LRP4: variants seen among roughly 807,000 people sequenced by gnomAD.
The protein encoded by LRP4 is low-density lipoprotein receptor-related protein 4.
LRP4 carries 95 observed loss-of-function variants against 220.3 expected under a neutral mutation model. That is an observed-to-expected ratio of 0.43 (90% CI 0.37 to 0.51). The LOEUF is 0.51. LRP4 is among the 20% of genes least tolerant of loss of function. LRP4 has a pLI of 0.00. For synonymous variants in LRP4, 903 were observed against 954.6 expected (o/e 0.95, Z 1.00); for missense variants, 1,925 against 2,567.0 (o/e 0.75, Z 5.40).
At position 46,877,209 on chromosome 11, in the gene LRP4, G is replaced by A. The variant is rs150616375; in HGVS notation, c.3267C>T (p.Asp1089=). The A allele has an allele frequency of 3.0e-5, 49 of 1,613,816 alleles. No individual in the cohort carries two copies. In the African/African-American group the frequency reaches 4.7e-4, roughly 15 times the overall value. The change falls in exon 23 of 38, where the codon GAC becomes GAT. Residue 1089 remains aspartate, a synonymous_variant. Transcript: ENST00000378623. ...TMKNTIAIGV[D]PQEGKVYWSD... ...GAGGGCCATACAGACCTTCCTGGGGGTCTACTCCAATGGCAATGGTGTTCT... is the reference window on the plus strand; with the variant it reads ...GAGGGCCATACAGACCTTCCTGGGGATCTACTCCAATGGCAATGGTGTTCT...
Position 46,858,977 on chromosome 11 carries a change from G to C in LRP4, c.*6C>G, listed in dbSNP as rs761279068. 2 of 1,613,176 alleles carry C rather than the reference G, an allele frequency of 1.2e-6. No individual in the cohort carries two copies. The highest frequency in any genetic ancestry group is 2.2e-5 in the South Asian group (2 of 91,048). On this transcript the variant is annotated 3_prime_UTR_variant, in exon 38 of 38. Transcript: ENST00000378623. ...AACAGGCAGGCAGGGAAGAGAATGT[G>C]GGCATTTAGACCTGGCTCTCTGAGG...
Position 46,883,923 on chromosome 11 carries a change from T to C in LRP4, c.2560A>G (p.Ile854Val), listed in dbSNP as rs907765267. 3.7e-6 allele frequency: 6 copies of C among 1,614,228 alleles called. No individual in the cohort carries two copies. The highest frequency in any genetic ancestry group is 3.3e-5 in the South Asian group (3 of 91,088). ...CGAGGACGATCAAGGTTCTCCCAGA[T>C]GAGTACTGTTCTCATGCTGCCATCT... ...NTDGSMRTVL[I>V]WENLDRPRDI... The change falls in exon 19 of 38, where the codon ATC becomes GTC. Residue 854 changes from isoleucine to valine, a missense_variant. By Grantham distance (29) the Ile-to-Val change is conservative. Around this residue, in one of 3 missense-constraint regions of LRP4, gnomAD observed 1,244 missense variants for 1,624.9 expected, o/e 0.77. Coordinates refer to ENST00000378623, the MANE Select transcript of LRP4 (RefSeq NM_002334.4).
chr11:46,901,120 C>T (rs1041178584), intron 2 of LRP4, among the ~76,000 whole-genome samples: 1 of 152,098 alleles, frequency 6.6e-6, no homozygotes, highest in Non-Finnish European at 1.5e-5. Flanking sequence ...ATAGTCCTTC[C>T]TTACTGACTC....
At chr11:46,868,760 T>C in intron 32 of LRP4, 47 bp from the exon 33 acceptor site, 1 of 1,442,002 alleles carries the variant, frequency 6.9e-7, no homozygotes, top group Non-Finnish European at 9.8e-7. Context: ...GAATCAGGTC[T>C]CCCAATTTAA....
At chr11:46,862,330 G>A (rs1940579208) in intron 37 of LRP4, among the ~76,000 whole-genome samples, 1 of 152,066 alleles carries the variant, frequency 6.6e-6, no homozygotes, top group South Asian at 2.1e-4. Context: ...TATAAGCTTG[G>A]AAAAATATCT....
intron 13 of LRP4, among the ~76,000 whole-genome samples, chr11:46,891,640 G>A (rs1262635732): frequency 1.3e-5 from 2 of 151,776 alleles, no homozygotes; most frequent in Admixed American, 1.3e-4. Flanking sequence ...TTTTTTTTGA[G>A]ACAGAGTCTC....
At chr11:46,865,721 TCTC>T (rs1378368348) in intron 34 of LRP4, among the ~76,000 whole-genome samples, 2 of 152,144 alleles carry the variant, frequency 1.3e-5, no homozygotes, top group East Asian at 3.9e-4. Context: ...ATCAAAGGCA[TCTC>T]CTAAACAGCC....
intron 13 of LRP4, among the ~76,000 whole-genome samples, chr11:46,892,251 C>A (rs1293038757): frequency 6.6e-6 from 1 of 152,012 alleles, no homozygotes; most frequent in Non-Finnish European, 1.5e-5. Flanking sequence ...AATTTTTAGG[C>A]TATAATAATT....
intron 32 of LRP4, 91 bp from the exon 33 acceptor site, chr11:46,868,804 C>A: frequency 8.0e-7 from 1 of 1,250,956 alleles, no homozygotes; most frequent in South Asian, 1.2e-5. Flanking sequence ...CCAGGATTAC[C>A]CTACTCCCAG....
At chr11:46,887,154 G>A (rs1346052882) in intron 16 of LRP4, among the ~76,000 whole-genome samples, 1 of 152,204 alleles carries the variant, frequency 6.6e-6, no homozygotes, top group Non-Finnish European at 1.5e-5. Context: ...TGACTCCAGA[G>A]AAAGAGCTCT....
chr11:46,873,439 G>T lies in LRP4; in HGVS notation c.4384C>A (p.Arg1462Ser). The T allele has an allele frequency of 6.2e-7, 1 of 1,614,108 alleles. No individual in the cohort carries two copies. Among genetic ancestry groups the T allele is most frequent in the Non-Finnish European group, 8.5e-7 (1 of 1,180,046 alleles). ...IEASRLDGSC[R>S]KVLINNSLDE... ...AGGCTATTGTTGATCAGTACTTTGCGGCAGGAACCATCCAGCCTGGACGCC... is the reference window on the plus strand; with the variant it reads ...AGGCTATTGTTGATCAGTACTTTGCTGCAGGAACCATCCAGCCTGGACGCC... Residue 1462 changes from arginine (R) to serine (S), a missense_variant, in exon 29 of 38, where the codon CGC becomes AGC. Physicochemically the swap from Arg to Ser is moderately radical, Grantham distance 110. Around this residue, in one of 3 missense-constraint regions of LRP4, gnomAD observed 1,244 missense variants for 1,624.9 expected, o/e 0.77. Coordinates refer to ENST00000378623, the MANE Select transcript of LRP4 (RefSeq NM_002334.4). This position sits in a 1 kb window ranked among gnomAD's most constrained non-coding sequence, Gnocchi z 4.2.
intron 31 of LRP4, 147 bp from the exon 32 acceptor site, chr11:46,869,279 G>C: frequency 3.8e-6 from 3 of 797,744 alleles, no homozygotes; most frequent in Non-Finnish European, 6.4e-6. Context: ...CAACAGACAT[G>C]ACATTGTCAA....
At chr11:46,882,155 A>G (rs1941177513) in intron 19 of LRP4, among the ~76,000 whole-genome samples, 1 of 152,218 alleles carries the variant, frequency 6.6e-6, no homozygotes, top group African/African-American at 2.4e-5. Flanking sequence ...TAAAGTGTAC[A>G]TGGGAATAAA....
In LRP4 at chr11:46,893,997, T is replaced by C. The variant is rs144552680; in HGVS notation, c.1540+592A>G. Among the ~76,000 whole-genome samples the C allele has an allele frequency of 5.5e-3, 828 of 151,250 alleles. 8 individuals carry two copies. The highest frequency in any genetic ancestry group is 0.013 in the Admixed American group (194 of 15,146). ...ACCTCCACTTCCTGAGTTCAAGCAA[T>C]TCTCCTGCCTCAGCCTCCCAAGTAG... On this transcript the variant is annotated intron_variant, in intron 12 of 37. Transcript: ENST00000378623.
chr11:46,904,452 A>AT (rs146522402), intron 1 of LRP4, among the ~76,000 whole-genome samples: 1 of 152,098 alleles, frequency 6.6e-6, no homozygotes, highest in African/African-American at 2.4e-5. Flanking sequence ...AAGTGCAAGC[A>AT]TAAGGTAAAA....
At chr11:46,881,992 G>A in intron 19 of LRP4, 89 bp from the exon 20 acceptor site, 1 of 1,302,404 alleles carries the variant, frequency 7.7e-7, no homozygotes, top group Non-Finnish European at 1.1e-6. Context: ...GTTTCTGCCT[G>A]AAGCAGATCC....
At chr11:46,905,272 T>C (rs1476384614) in intron 1 of LRP4, among the ~76,000 whole-genome samples, 1 of 152,196 alleles carries the variant, frequency 6.6e-6, no homozygotes, top group African/African-American at 2.4e-5. Flanking sequence ...ACTTCAGTAG[T>C]ATGACAGGCT....
chr11:46,915,014 C>T (rs1422928347), intron 1 of LRP4, among the ~76,000 whole-genome samples: 1 of 152,200 alleles, frequency 6.6e-6, no homozygotes, highest in Non-Finnish European at 1.5e-5. Flanking sequence ...ACCCAACGTG[C>T]TCTGTATCAG....
chr11:46,892,210 G>C (rs1337899039), intron 13 of LRP4, among the ~76,000 whole-genome samples: 1 of 152,114 alleles, frequency 6.6e-6, no homozygotes, highest in African/African-American at 2.4e-5. Flanking sequence ...TGGAATTATA[G>C]GTGTGAGCCA....
Sources: allele counts gnomAD v4.1 joint callset (sites outside exome capture counted in the v4.1 genomes callset), GRCh38; gene constraint gnomAD v4.1.1; regional missense constraint gnomAD v4.1.1; non-coding constraint Gnocchi (gnomAD v3.1); transcripts MANE v1.5; gene names NCBI Gene and HGNC (gene_info 2026-07-23, HGNC 2026-07-21).